AMPD3: variants seen among roughly 807,000 people sequenced by gnomAD.
The protein encoded by AMPD3 is adenosine monophosphate deaminase 3, also known as AMP deaminase 3.
Under a neutral mutation model 82.3 loss-of-function variants are expected in AMPD3, and 57 were observed. The ratio of observed to expected loss-of-function variants is 0.69; its 90% CI spans 0.56 to 0.86. The LOEUF is 0.86. AMPD3 is among the 40% of genes least tolerant of loss of function. The pLI is 0.00. For synonymous variants in AMPD3, 381 were observed against 394.7 expected, an observed-to-expected ratio of 0.97 and a Z score of 0.41; for missense variants, 870 against 1,003.8, an observed-to-expected ratio of 0.87 and a Z score of 1.80.
In AMPD3 at chr11:10,456,673, C is replaced by A; in HGVS notation, c.-6+1225C>A. 1 of 947,682 alleles carries A rather than the reference C, an allele frequency of 1.1e-6. No individual in the cohort carries two copies. The highest frequency in any genetic ancestry group is 1.3e-6 in the Non-Finnish European group (1 of 795,600). The allele number at this position is 947,682 out of a possible 1,614,324, so 58.7% of individuals were successfully genotyped here. On this transcript the variant is annotated intron_variant, in intron 1 of 14. Transcript: ENST00000396553. The surrounding 1 kb of genome is among the most constrained non-coding windows in gnomAD (Gnocchi z 4.3). ...TGAATTCACAGCTAAGCCTCCCAAG[C>A]CTGCTGGCTTCAGCTGACAAAGGGT...
At chr11:10,453,785 C>T (rs1043765594), upstream of AMPD3, among the ~76,000 whole-genome samples, 14 of 152,072 alleles carry the variant, frequency 9.2e-5, no homozygotes, top group Non-Finnish European at 1.5e-4. Context: ...GATGGGGTTT[C>T]ACCACGTTGG....
At chr11:10,502,360 G>A (rs1288400058) in intron 12 of AMPD3, 2 of 985,342 alleles carry the variant, frequency 2.0e-6, no homozygotes, top group Non-Finnish European at 2.4e-6. Flanking sequence ...AACAGCTAGA[G>A]GGGGGCATCT....
At chr11:10,458,954 G>A (rs1379642599) in intron 1 of AMPD3, among the ~76,000 whole-genome samples, 1 of 152,136 alleles carries the variant, frequency 6.6e-6, no homozygotes, top group Non-Finnish European at 1.5e-5. Flanking sequence ...GGGGGGAGGT[G>A]AGGATCCAGT....
Position 10,487,228 on chromosome 11 carries a change from C to T in AMPD3, c.810-7C>T, listed in dbSNP as rs1251828818. 6.2e-7 allele frequency: 1 copy of T among 1,613,986 alleles called. No individual in the cohort carries two copies. Among genetic ancestry groups the T allele is most frequent in the East Asian group, 2.2e-5 (1 of 44,884 alleles). On this transcript the variant is annotated splice_polypyrimidine_tract_variant and splice_region_variant and intron_variant, in intron 5 of 14. Coordinates refer to ENST00000396553, the MANE Select transcript of AMPD3 (RefSeq NM_001025389.2). Reference sequence around the variant, plus strand: ...AACTATGGTCTCTCCCCATCTCCAACTTGCAGGAAAACCTATTGTCACCGG... The same window carrying T: ...AACTATGGTCTCTCCCCATCTCCAATTTGCAGGAAAACCTATTGTCACCGG...
At chr11:10,496,611 G>A in intron 9 of AMPD3, 1 of 1,447,822 alleles carries the variant, frequency 6.9e-7, no homozygotes, top group African/African-American at 1.4e-5. Flanking sequence ...GGTAGGTGTG[G>A]AGCTTGCAAA....
intron 2 of AMPD3, among the ~76,000 whole-genome samples, chr11:10,472,506 T>G: frequency 6.6e-6 from 1 of 152,192 alleles, no homozygotes; most frequent in East Asian, 1.9e-4. Flanking sequence ...TTTGGCTATC[T>G]AGGACAGCCG....
Position 10,505,832 on chromosome 11 carries a change from G to A in AMPD3, c.2252G>A (p.Ser751Asn). 6.2e-7 allele frequency: 1 copy of A among 1,614,190 alleles called. No individual in the cohort carries two copies. Among genetic ancestry groups the A allele is most frequent in the Non-Finnish European group, 8.5e-7 (1 of 1,180,044 alleles). Residue 751 changes from serine to asparagine, a missense_variant, in exon 15 of 15, where the codon AGC becomes AAC. Ser to Asn is a conservative substitution (Grantham distance 46, BLOSUM62 1). Coordinates refer to ENST00000396553, the MANE Select transcript of AMPD3 (RefSeq NM_001025389.2). ...TATGAGACCTTATGCAATGAGCTCA[G>A]CTTCCTGTCTGATGCTATGAAATCA... ...FRYETLCNEL[S>N]FLSDAMKSEE...
intron 6 of AMPD3, chr11:10,490,655 A>G: frequency 1.0e-6 from 1 of 985,338 alleles, no homozygotes; most frequent in South Asian, 4.7e-5. Flanking sequence ...TGGATTGTCC[A>G]GTTGTTTTCC....
intron 10 of AMPD3, among the ~76,000 whole-genome samples, chr11:10,498,834 C>T (rs763494306): frequency 1.3e-5 from 2 of 152,326 alleles, no homozygotes; most frequent in African/African-American, 2.4e-5. Flanking sequence ...AAAGCACTGC[C>T]GTGGCCTGGT....
Position 10,504,530 on chromosome 11 carries a change from G to A in AMPD3, c.2017-19G>A. The A allele has an allele frequency of 1.9e-6, 3 of 1,604,152 alleles. 1 individual carries two copies. Among genetic ancestry groups the A allele is most frequent in the South Asian group, 2.2e-5 (2 of 90,886 alleles). ...GGATATCCCCCCTTCTAATCCACAT[G>A]CTTTGGGGGAGGATCTAGGAAGCAC... On this transcript the variant is annotated intron_variant, in intron 13 of 14. Transcript: ENST00000396553.
At chr11:10,499,755 C>T (rs1166389107) in intron 10 of AMPD3, 48 of 985,316 alleles carry the variant, frequency 4.9e-5, no homozygotes, top group Non-Finnish European at 5.8e-5. Context: ...CTCGGCATAG[C>T]AGAGGGGCAG....
At chr11:10,499,045 G>T (rs1013714610) in intron 10 of AMPD3, among the ~76,000 whole-genome samples, 9 of 152,142 alleles carry the variant, frequency 5.9e-5, no homozygotes, top group Non-Finnish European at 1.3e-4. Flanking sequence ...TCCCAGTGGG[G>T]ATTGGAGAGC....
At chr11:10,474,259 A>G (rs1298592670) in intron 2 of AMPD3, among the ~76,000 whole-genome samples, 4 of 152,158 alleles carry the variant, frequency 2.6e-5, no homozygotes, top group African/African-American at 7.2e-5. Context: ...AGTGGGGTCC[A>G]CGTGTGGCCC....
intron 1 of AMPD3, among the ~76,000 whole-genome samples, chr11:10,457,221 A>G (rs1361600730): frequency 2.0e-5 from 3 of 151,592 alleles, no homozygotes; most frequent in Non-Finnish European, 4.4e-5. Flanking sequence ...GCCTCAAGCG[A>G]TCCTCTTCAG....
rs190279069 is a variant in AMPD3, at chr11:10,469,762, G to A, written c.221+8022G>A. On this transcript the variant is annotated intron_variant, in intron 2 of 14. Transcript: ENST00000396553. ...AACATCGATGTAAAAGTCTTCGGCC[G>A]GGCGCGGTGGCTCACGCCTGTAATC... is the stretch of plus-strand genomic sequence containing the variant. Among the ~76,000 whole-genome samples the A allele has an allele frequency of 2.8e-3, 428 of 152,286 alleles. 1 individual carries two copies. The highest frequency in any genetic ancestry group is 9.5e-3 in the African/African-American group (393 of 41,580).
At position 10,461,412 on chromosome 11, in the gene AMPD3, C is replaced by T. The variant is rs778505193; in HGVS notation, c.-5-103C>T. ...GGGGCATTCCTAAGTAGACAGCTGACCCCAAGTACCAGGTGGGCCTGGCCC... is the reference window on the plus strand; with the variant it reads ...GGGGCATTCCTAAGTAGACAGCTGATCCCAAGTACCAGGTGGGCCTGGCCC... On this transcript the variant is annotated intron_variant, in intron 1 of 14. Transcript: ENST00000396553. 8 of 1,604,126 alleles carry T rather than the reference C, an allele frequency of 5.0e-6. No homozygotes were observed. The Admixed American group carries it at 6.7e-5, about 13-fold the overall frequency.
chr11:10,506,068 C>T lies in AMPD3; in HGVS notation c.*184C>T. The T allele has an allele frequency of 1.5e-6, 1 of 673,264 alleles. No homozygotes were observed. The highest frequency in any genetic ancestry group is 2.8e-5 in the East Asian group (1 of 36,206). The allele number at this position is 673,264 out of a possible 1,614,324, so 41.7% of individuals were successfully genotyped here. On this transcript the variant is annotated 3_prime_UTR_variant, in exon 15 of 15. Coordinates refer to ENST00000396553, the MANE Select transcript of AMPD3 (RefSeq NM_001025389.2). This position sits in a 1 kb window ranked among gnomAD's most constrained non-coding sequence, Gnocchi z 4.1. The stretch of plus-strand genomic sequence containing the variant: ...TTAACATGCTCACTTGTTAGTATTT[C>T]TGAGTAACAAGATGGTGACTTCTCC...
rs778322157 is a variant in AMPD3 at position 10,495,635 on chromosome 11, C to T, written c.1332C>T (p.Gly444=). 2 of 1,613,984 alleles carry T rather than the reference C, an allele frequency of 1.2e-6. No individual in the cohort carries two copies. The highest frequency in any genetic ancestry group is 2.2e-5 in the East Asian group (1 of 44,862). Residue 444 remains glycine (G), a synonymous_variant, in exon 9 of 15, where the codon GGC becomes GGT. Coordinates refer to ENST00000396553, the MANE Select transcript of AMPD3 (RefSeq NM_001025389.2). ...QYSEPRLSIY[G]RSPEEWPNLA... ...CAGAGCCACGGCTCTCCATCTACGG[C>T]CGCAGTCCTGAGGAGTGGCCCAACC...
At chr11:10,493,255 G>A (rs1159483466) in intron 6 of AMPD3, 94 bp from the exon 7 acceptor site, 1 of 1,450,594 alleles carries the variant, frequency 6.9e-7, no homozygotes. Context: ...CCCATGAGGT[G>A]CTGGGGTTCT....
Sources: gnomAD v4.1 joint callset for allele counts (sites outside exome capture counted in the v4.1 genomes callset) on GRCh38, gnomAD v4.1.1 for gene constraint, Gnocchi (gnomAD v3.1) non-coding constraint, MANE v1.5 for transcripts, NCBI Gene and HGNC (gene_info 2026-07-23, HGNC 2026-07-21) for gene names.